The following NTM variants were observed in gnomAD, a reference collection of about 807,000 sequenced individuals.
NTM encodes the protein IgLON family member 2.
A neutral mutation model predicts 42.1 loss-of-function variants in NTM; 13 were observed. The ratio of observed to expected loss-of-function variants is 0.31; its 90% confidence interval spans 0.20 to 0.49. NTM has a LOEUF of 0.49. Among genes scored for constraint, NTM ranks in the 20% least tolerant of loss-of-function variants. The pLI is 0.99. For synonymous variants in NTM, 187 were observed against 179.2 expected, an observed-to-expected ratio of 1.04 and a Z score of -0.35; for missense variants, 373 against 452.8, an observed-to-expected ratio of 0.82 and a Z score of 1.60.
chr11:132,054,967 G>A (rs1409428461), intron 2 of NTM, among the ~76,000 whole-genome samples: 1 of 152,174 alleles, frequency 6.6e-6, no homozygotes, highest in Admixed American at 6.5e-5. Flanking sequence ...GGAAACGGTG[G>A]TACTGGTGAG....
chr11:131,887,056 A>G (rs912684044), intron 1 of NTM, among the ~76,000 whole-genome samples: 1 of 152,204 alleles, frequency 6.6e-6, no homozygotes, highest in African/African-American at 2.4e-5. Context: ...TAAGTTCTGG[A>G]GAAGTAACGT....
Position 131,744,872 on chromosome 11 carries a change from T to C in NTM, c.83-166692T>C, listed in dbSNP as rs561892820. ...ACCACACCGGTGTGTCAGTGCAGCG[T>C]TCGTATCACATCTGAATCGCTGGAT... On this transcript the variant is annotated intron_variant, in intron 1 of 8. Transcript: ENST00000683400. Among the ~76,000 whole-genome samples, 65 of 152,294 alleles carry C rather than the reference T, an allele frequency of 4.3e-4. 1 individual carries two copies. Among genetic ancestry groups the C allele is most frequent in the African/African-American group, 1.4e-3 (60 of 41,560 alleles).
chr11:131,732,235 A>T (rs778749391), intron 1 of NTM, among the ~76,000 whole-genome samples: 3 of 152,098 alleles, frequency 2.0e-5, no homozygotes, highest in Non-Finnish European at 4.4e-5. Context: ...TATTCACCCA[A>T]TTGTCTGAGC....
At chr11:131,875,587 G>A (rs1251781185) in intron 1 of NTM, among the ~76,000 whole-genome samples, 2 of 152,226 alleles carry the variant, frequency 1.3e-5, no homozygotes, top group Non-Finnish European at 2.9e-5. Flanking sequence ...GGAAATCAGA[G>A]ACGCCTTTTG....
intron 2 of NTM, among the ~76,000 whole-genome samples, chr11:132,088,803 C>T (rs1436652661): frequency 1.3e-5 from 2 of 152,194 alleles, no homozygotes; most frequent in Admixed American, 1.3e-4. Context: ...GGACACTTCC[C>T]TATTTGCCTA....
At chr11:132,044,342 T>G (rs1254599674) in intron 2 of NTM, among the ~76,000 whole-genome samples, 1 of 152,188 alleles carries the variant, frequency 6.6e-6, no homozygotes, top group Non-Finnish European at 1.5e-5. Context: ...ATAAGGCATT[T>G]GTATGTTACG....
intron 2 of NTM, among the ~76,000 whole-genome samples, chr11:132,089,033 A>G (rs1186354060): frequency 1.3e-5 from 2 of 152,184 alleles, no homozygotes; most frequent in African/African-American, 4.8e-5. Context: ...TGATGAGAGG[A>G]ATGAGCAGGA....
intron 3 of NTM, among the ~76,000 whole-genome samples, chr11:132,181,314 T>G (rs533330504): frequency 3.1e-4 from 47 of 152,316 alleles, no homozygotes; most frequent in African/African-American, 1.0e-3. Context: ...TCCTAGGTGA[T>G]GCTACTCCAT....
chr11:131,865,118 G>T (rs2047005080), intron 1 of NTM, among the ~76,000 whole-genome samples: 1 of 152,174 alleles, frequency 6.6e-6, no homozygotes, highest in African/African-American at 2.4e-5. Flanking sequence ...TCTACCCTGA[G>T]ACAATGTACA....
At chr11:131,876,831 A>C (rs1488956746) in intron 1 of NTM, among the ~76,000 whole-genome samples, 1 of 152,146 alleles carries the variant, frequency 6.6e-6, no homozygotes. Flanking sequence ...TATGAGGAGA[A>C]GGCATAGTTT....
chr11:131,770,069 C>T (rs1284519174), intron 1 of NTM, among the ~76,000 whole-genome samples: 1 of 152,186 alleles, frequency 6.6e-6, no homozygotes, highest in Admixed American at 6.5e-5. Context: ...ATGTTTCCAA[C>T]TCACATTCTT....
At chr11:132,134,705 G>GTGTGTATATA (rs1277579004) in intron 2 of NTM, among the ~76,000 whole-genome samples, 1 of 75,916 alleles carries the variant, frequency 1.3e-5, no homozygotes, top group African/African-American at 3.6e-5. Context: ...GTATTCCATG[G>GTGTGTATATA]TATATATATA....
intron 2 of NTM, among the ~76,000 whole-genome samples, chr11:132,015,562 C>CT (rs947368359): frequency 6.6e-6 from 1 of 151,302 alleles, no homozygotes; most frequent in Non-Finnish European, 1.5e-5. Context: ...ACATCTTTAA[C>CT]TTTTTTTTGT....
chr11:131,425,942 G>A (rs1473070624), intron 1 of NTM, among the ~76,000 whole-genome samples: 1 of 152,144 alleles, frequency 6.6e-6, no homozygotes, highest in Non-Finnish European at 1.5e-5. Context: ...GTCAAGACTT[G>A]TTAATGTAGC....
At chr11:131,599,982 G>C (rs1204235254) in intron 1 of NTM, among the ~76,000 whole-genome samples, 1 of 152,244 alleles carries the variant, frequency 6.6e-6, no homozygotes, top group Admixed American at 6.5e-5. Flanking sequence ...GACTACCTTA[G>C]GCTGATTGTT....
At chr11:132,096,353 T>C (rs2060986067) in intron 2 of NTM, among the ~76,000 whole-genome samples, 1 of 152,188 alleles carries the variant, frequency 6.6e-6, no homozygotes, top group African/African-American at 2.4e-5. Context: ...TGCTATAGGC[T>C]GCAGGATAAT....
intron 1 of NTM, among the ~76,000 whole-genome samples, chr11:131,551,684 T>C (rs58560321): frequency 0.024 from 3,692 of 152,294 alleles, 160 homozygotes; most frequent in African/African-American, 0.082. Flanking sequence ...AAATCACTTA[T>C]CCACACGGGC....
chr11:131,938,777 A>G (rs986392614), intron 2 of NTM, among the ~76,000 whole-genome samples: 7 of 152,146 alleles, frequency 4.6e-5, no homozygotes, highest in Non-Finnish European at 8.8e-5. Context: ...GTGTACATAT[A>G]TTTTAAGGAA....
chr11:131,695,580 C>A (rs1322401105), intron 1 of NTM, among the ~76,000 whole-genome samples: 4 of 152,164 alleles, frequency 2.6e-5, no homozygotes, highest in Non-Finnish European at 5.9e-5. Flanking sequence ...CCTTGTCAGT[C>A]TCCTTTGTCC....
Sources: gnomAD v4.1 joint callset for allele counts (sites outside exome capture counted in the v4.1 genomes callset) on GRCh38, gnomAD v4.1.1 for gene constraint, MANE v1.5 for transcripts, NCBI Gene and HGNC (gene_info 2026-07-23, HGNC 2026-07-21) for gene names.